Variants in ACTR3C observed in about 807,000 individuals in gnomAD.
ACTR3C encodes the protein actin related protein 3C.
A neutral mutation model predicts 26.3 loss-of-function variants in ACTR3C; 18 were observed. The observed-to-expected ratio is 0.68, with a 90% CI of 0.47 to 1.01. The LOEUF is 1.01. ACTR3C is among the 50% of genes least tolerant of loss of function. ACTR3C has a pLI of 0.00. For missense variants in ACTR3C, 184 were observed against 250.7 expected (o/e 0.73, Z 1.80); for synonymous variants, 55 against 94.5 (o/e 0.58, Z 2.42).
the ACTR3C span, among the ~76,000 whole-genome samples, chr7:149,915,340 C>T: frequency 6.6e-6 from 1 of 152,024 alleles, no homozygotes; most frequent in Non-Finnish European, 1.5e-5. Context: ...TGGATGAAAA[C>T]ATCCCACTCA....
the ACTR3C span, among the ~76,000 whole-genome samples, chr7:150,219,990 A>G: frequency 1.4e-5 from 2 of 146,724 alleles, no homozygotes; most frequent in Admixed American, 1.3e-4. Context: ...CTCCAGCCCC[A>G]GGGTGGCCGG....
At chr7:150,184,405 T>C in the ACTR3C span, among the ~76,000 whole-genome samples, 1 of 150,764 alleles carries the variant, frequency 6.6e-6, no homozygotes, top group Non-Finnish European at 1.5e-5. Flanking sequence ...CTTGTCCAGT[T>C]GGTTTTCCTC....
downstream of ACTR3C, among the ~76,000 whole-genome samples, chr7:150,239,532 C>CTATATA (rs1339201217): frequency 5.1e-4 from 62 of 121,182 alleles, no homozygotes; most frequent in African/African-American, 9.8e-4. Flanking sequence ...CTCTCTCTCT[C>CTATATA]TCTCTCTCTA....
the ACTR3C span, among the ~76,000 whole-genome samples, chr7:150,189,395 G>T: frequency 5.2e-3 from 794 of 152,174 alleles, 4 homozygotes; most frequent in Non-Finnish European, 8.7e-3. Context: ...CAAATATCTT[G>T]TGTGTGCACG....
chr7:150,056,439 T>G, the ACTR3C span, among the ~76,000 whole-genome samples: 1 of 152,250 alleles, frequency 6.6e-6, no homozygotes, highest in Non-Finnish European at 1.5e-5. Context: ...AACAATTTCC[T>G]TCTCATAAAG....
the ACTR3C span, among the ~76,000 whole-genome samples, chr7:149,906,642 G>C: frequency 2.1e-5 from 3 of 145,684 alleles, no homozygotes; most frequent in Non-Finnish European, 4.5e-5. Context: ...ATTTTGGCCA[G>C]GCTGGTCTCA....
At chr7:150,100,680 C>A in the ACTR3C span, among the ~76,000 whole-genome samples, 1 of 147,880 alleles carries the variant, frequency 6.8e-6, no homozygotes, top group South Asian at 2.2e-4. Context: ...TATTTTCCAC[C>A]TTTGAGGAGC....
intron 1 of ACTR3C, among the ~76,000 whole-genome samples, chr7:150,313,394 T>A (rs1428898148): frequency 6.6e-6 from 1 of 152,188 alleles, no homozygotes; most frequent in Non-Finnish European, 1.5e-5. Context: ...CAAGTTATTA[T>A]CCAAAGACCT....
chr7:150,024,300 C>T, the ACTR3C span, among the ~76,000 whole-genome samples: 3 of 152,108 alleles, frequency 2.0e-5, no homozygotes, highest in East Asian at 1.9e-4. Flanking sequence ...GGCAGCAAAA[C>T]GGGGAGCAGG....
the ACTR3C span, among the ~76,000 whole-genome samples, chr7:149,939,829 A>C: frequency 6.8e-6 from 1 of 147,852 alleles, no homozygotes; most frequent in African/African-American, 2.5e-5. Flanking sequence ...CCAAAATGTG[A>C]ACACCTTAAG....
chr7:150,259,553 A>C (rs989203435), intron 6 of ACTR3C, among the ~76,000 whole-genome samples: 1 of 152,204 alleles, frequency 6.6e-6, no homozygotes, highest in African/African-American at 2.4e-5. Flanking sequence ...TAACCTAGAG[A>C]GCTTTAGAAA....
the ACTR3C span, among the ~76,000 whole-genome samples, chr7:150,021,230 G>A: frequency 6.6e-6 from 1 of 151,744 alleles, no homozygotes; most frequent in Non-Finnish European, 1.5e-5. Flanking sequence ...CACCTGGCAA[G>A]CAGGACCTGA....
chr7:150,264,595 T>C (rs1166284796), intron 6 of ACTR3C: 2 of 976,200 alleles, frequency 2.0e-6, no homozygotes, highest in African/African-American at 1.8e-5. Flanking sequence ...ATACTGTATA[T>C]AAATGTATAT....
At chr7:150,070,465 C>A in the ACTR3C span, among the ~76,000 whole-genome samples, 2 of 152,262 alleles carry the variant, frequency 1.3e-5, no homozygotes, top group South Asian at 4.2e-4. Context: ...TATTTAATTT[C>A]TTTTAGACAG....
the ACTR3C span, among the ~76,000 whole-genome samples, chr7:149,977,334 A>C: frequency 6.6e-6 from 1 of 152,208 alleles, no homozygotes; most frequent in Non-Finnish European, 1.5e-5. Context: ...ACTGGGACCC[A>C]AGATAGCCAC....
chr7:150,033,077 T>G, the ACTR3C span, among the ~76,000 whole-genome samples: 63 of 152,010 alleles, frequency 4.1e-4, 1 homozygote, highest in Admixed American at 2.6e-3. Flanking sequence ...ACCAGGAGGT[T>G]CTGCTGTGTG....
the ACTR3C span, among the ~76,000 whole-genome samples, chr7:150,237,633 T>C: frequency 6.6e-6 from 1 of 152,192 alleles, no homozygotes; most frequent in Non-Finnish European, 1.5e-5. Context: ...TGAAGGCCTC[T>C]GCTGCTGTGC....
At chr7:150,291,103 TGTGTGCATGCATGC>T (rs1231652165) in intron 3 of ACTR3C, among the ~76,000 whole-genome samples, 6 of 152,058 alleles carry the variant, frequency 3.9e-5, no homozygotes, top group African/African-American at 1.5e-4. Context: ...AGTGTGTGTG[TGTGTGCATGCATGC>T]GTGCACACAC....
At chr7:150,048,671 C>A in the ACTR3C span, among the ~76,000 whole-genome samples, 6 of 151,974 alleles carry the variant, frequency 3.9e-5, no homozygotes, top group Non-Finnish European at 7.4e-5. Flanking sequence ...GCTGCGGCGC[C>A]GGGCTCCCCG....
Sources: allele counts gnomAD v4.1 joint callset (sites outside exome capture counted in the v4.1 genomes callset), GRCh38; gene constraint gnomAD v4.1.1; transcripts MANE v1.5; gene names NCBI Gene and HGNC (gene_info 2026-07-23, HGNC 2026-07-21).